The following UBE2E3 variants were observed in gnomAD, a reference collection of about 807,000 sequenced individuals.
The protein encoded by UBE2E3 is ubiquitin conjugating enzyme E2 E3, also known as ubiquitin-conjugating enzyme E2 E3.
Under a neutral mutation model 23.6 loss-of-function variants are expected in UBE2E3, and 5 were observed. That is an observed-to-expected ratio of 0.21 (90% CI 0.11 to 0.44). The LOEUF is 0.44. Among genes scored for constraint, UBE2E3 ranks in the 20% least tolerant of loss-of-function variants. The pLI, the probability that UBE2E3 is intolerant of heterozygous loss-of-function variation, is 0.99. For synonymous variants in UBE2E3, 78 were observed against 87.5 expected, an observed-to-expected ratio of 0.89 and a Z score of 0.60; for missense variants, 81 against 249.8, an observed-to-expected ratio of 0.32 and a Z score of 4.55.
chr2:181,046,015 T>C (rs1196514784), intron 3 of UBE2E3, among the ~76,000 whole-genome samples: 1 of 152,212 alleles, frequency 6.6e-6, no homozygotes, highest in Non-Finnish European at 1.5e-5. Flanking sequence ...GTTCAGTATT[T>C]GCATAATCAC....
intron 3 of UBE2E3, among the ~76,000 whole-genome samples, chr2:181,015,694 C>T (rs190413277): frequency 1.3e-5 from 2 of 151,810 alleles, no homozygotes; most frequent in South Asian, 2.1e-4. Context: ...TAGGAAAAAT[C>T]GACATTTAAA....
At chr2:181,020,357 A>G (rs1033923651) in intron 3 of UBE2E3, among the ~76,000 whole-genome samples, 6 of 152,106 alleles carry the variant, frequency 3.9e-5, no homozygotes, top group Non-Finnish European at 7.4e-5. Flanking sequence ...GACATAACCC[A>G]TAAAGATTAA....
chr2:181,020,516 A>G (rs1261456313), intron 3 of UBE2E3, among the ~76,000 whole-genome samples: 1 of 152,224 alleles, frequency 6.6e-6, no homozygotes, highest in African/African-American at 2.4e-5. Flanking sequence ...ACAGTTGATT[A>G]AAAGATTTTG....
At chr2:181,018,474 C>CT (rs1685566440) in intron 3 of UBE2E3, among the ~76,000 whole-genome samples, 1 of 151,870 alleles carries the variant, frequency 6.6e-6, no homozygotes, top group South Asian at 2.1e-4. Context: ...AGATACCTAT[C>CT]TACCTTTCAG....
intron 3 of UBE2E3, among the ~76,000 whole-genome samples, chr2:180,989,481 C>T (rs1297135395): frequency 6.6e-6 from 1 of 152,042 alleles, no homozygotes; most frequent in Non-Finnish European, 1.5e-5. Flanking sequence ...AATTATGATA[C>T]TTAATATTTA....
intron 3 of UBE2E3, among the ~76,000 whole-genome samples, chr2:181,033,804 A>T (rs964423578): frequency 2.0e-5 from 3 of 152,226 alleles, no homozygotes; most frequent in Non-Finnish European, 4.4e-5. Flanking sequence ...TAATACCCAG[A>T]ATCTACAAAG....
At chr2:181,053,280 G>A (rs1369919715) in intron 3 of UBE2E3, among the ~76,000 whole-genome samples, 1 of 151,678 alleles carries the variant, frequency 6.6e-6, no homozygotes, top group African/African-American at 2.4e-5. Context: ...ATTTTTTACT[G>A]CAGATATACA....
At chr2:181,049,374 A>G (rs1194923717) in intron 3 of UBE2E3, among the ~76,000 whole-genome samples, 1 of 152,038 alleles carries the variant, frequency 6.6e-6, no homozygotes, top group East Asian at 1.9e-4. Flanking sequence ...AATGTTGTTT[A>G]ACTGACTGGA....
chr2:181,034,725 T>A (rs1686214380), intron 3 of UBE2E3, among the ~76,000 whole-genome samples: 1 of 152,190 alleles, frequency 6.6e-6, no homozygotes, highest in Admixed American at 6.6e-5. Flanking sequence ...CAGAATACCA[T>A]TTTATGTCCA....
intron 3 of UBE2E3, among the ~76,000 whole-genome samples, chr2:181,014,957 G>A (rs1685442328): frequency 6.6e-6 from 1 of 152,146 alleles, no homozygotes; most frequent in East Asian, 1.9e-4. Context: ...AGAATGGTGT[G>A]AAAAGTGAGT....
intron 3 of UBE2E3, among the ~76,000 whole-genome samples, chr2:181,038,479 T>G (rs1254792171): frequency 6.6e-6 from 1 of 152,202 alleles, no homozygotes; most frequent in East Asian, 1.9e-4. Context: ...TAATTCAAAA[T>G]GGGTCATTGA....
rs772296077 is a variant in UBE2E3, at chr2:180,982,255, A to T, written c.194+19A>T. On this transcript the variant is annotated intron_variant, in intron 2 of 5. Transcript: ENST00000410062. ...CTAAAAGGTAATGTGTAAAAGAAGG[A>T]TCCAGCACACTTTGTCAGGTTGTCT... 7 of 1,600,886 alleles carry T rather than the reference A, an allele frequency of 4.4e-6. No homozygotes were observed. The highest frequency in any genetic ancestry group is 5.1e-6 in the Non-Finnish European group (6 of 1,172,760).
intron 3 of UBE2E3, among the ~76,000 whole-genome samples, chr2:181,042,040 A>T (rs993681942): frequency 1.3e-5 from 2 of 152,188 alleles, no homozygotes; most frequent in South Asian, 4.1e-4. Context: ...TAAGAAATTA[A>T]TATTGGTAAC....
intron 3 of UBE2E3, among the ~76,000 whole-genome samples, chr2:181,051,569 A>G (rs998548362): frequency 2.6e-5 from 4 of 151,704 alleles, no homozygotes; most frequent in Non-Finnish European, 5.9e-5. Flanking sequence ...TACCCCCATT[A>G]CTCATACTGA....
intron 3 of UBE2E3, among the ~76,000 whole-genome samples, chr2:181,033,355 G>A (rs1265472628): frequency 6.6e-6 from 1 of 152,136 alleles, no homozygotes; most frequent in East Asian, 1.9e-4. Flanking sequence ...GAACAGAACA[G>A]AGCCTTCAGA....
chr2:181,000,556 CTTTTT>C (rs112131285), intron 3 of UBE2E3, among the ~76,000 whole-genome samples: 60 of 138,624 alleles, frequency 4.3e-4, no homozygotes, highest in South Asian at 1.2e-3. Context: ...AAAGAATAAC[CTTTTT>C]TTTTTTTTTT....
intron 3 of UBE2E3, among the ~76,000 whole-genome samples, chr2:181,034,677 A>T (rs954313773): frequency 5.8e-5 from 8 of 138,520 alleles, no homozygotes; most frequent in African/African-American, 2.0e-4. Flanking sequence ...AAAGTATAAT[A>T]AAAAAAATTA....
chr2:181,045,865 G>T (rs1330028241), intron 3 of UBE2E3, among the ~76,000 whole-genome samples: 1 of 151,616 alleles, frequency 6.6e-6, no homozygotes, highest in Non-Finnish European at 1.5e-5. Context: ...CATACCCTTG[G>T]ATATGTTGGG....
intron 3 of UBE2E3, among the ~76,000 whole-genome samples, chr2:181,033,681 G>A (rs1014335646): frequency 6.6e-6 from 1 of 152,020 alleles, no homozygotes; most frequent in Non-Finnish European, 1.5e-5. Flanking sequence ...TAGACAAATG[G>A]GATCTCATTA....
Sources: gnomAD v4.1 joint callset for allele counts (sites outside exome capture counted in the v4.1 genomes callset) on GRCh38, gnomAD v4.1.1 for gene constraint, MANE v1.5 for transcripts, NCBI Gene and HGNC (gene_info 2026-07-23, HGNC 2026-07-21) for gene names.